LHFPL3: variants seen among roughly 807,000 people sequenced by gnomAD.
LHFPL3 encodes LHFPL tetraspan subfamily member 3.
A neutral mutation model predicts 19.3 loss-of-function variants in LHFPL3; 5 were observed. The ratio of observed to expected loss-of-function variants is 0.26; its 90% CI spans 0.14 to 0.54. The LOEUF (loss-of-function observed/expected upper bound fraction) is 0.54, where lower values mean the gene tolerates loss of function less well. LHFPL3 is among the 20% of genes least tolerant of loss of function. The pLI, the probability that LHFPL3 is intolerant of heterozygous loss-of-function variation, is 0.94. For synonymous variants in LHFPL3, 133 were observed against 126.2 expected (o/e 1.05, Z -0.36); for missense variants, 249 against 307.4 (o/e 0.81, Z 1.42).
intron 1 of LHFPL3, among the ~76,000 whole-genome samples, chr7:104,493,382 A>T (rs1014070149): frequency 2.0e-5 from 3 of 149,862 alleles, no homozygotes; most frequent in Non-Finnish European, 3.0e-5. Context: ...CTGAAATGTC[A>T]TCTAGTATCA....
chr7:104,495,786 G>A (rs895032763), intron 1 of LHFPL3, among the ~76,000 whole-genome samples: 3 of 152,072 alleles, frequency 2.0e-5, no homozygotes, highest in Non-Finnish European at 4.4e-5. Flanking sequence ...ACCCCCTAAA[G>A]TGCTGGGATT....
intron 1 of LHFPL3, among the ~76,000 whole-genome samples, chr7:104,638,901 A>T (rs1791779820): frequency 1.3e-5 from 2 of 151,308 alleles, no homozygotes; most frequent in South Asian, 4.2e-4. Context: ...AGTAGCTGGG[A>T]CTACTACTGA....
intron 2 of LHFPL3, among the ~76,000 whole-genome samples, chr7:104,779,737 G>T (rs1794689599): frequency 6.6e-6 from 1 of 152,194 alleles, no homozygotes; most frequent in Non-Finnish European, 1.5e-5. Flanking sequence ...GATATGCGCT[G>T]GCCACTGCCA....
chr7:104,711,129 G>C (rs1437676575), intron 1 of LHFPL3, among the ~76,000 whole-genome samples: 2 of 152,140 alleles, frequency 1.3e-5, no homozygotes, highest in African/African-American at 4.8e-5. Flanking sequence ...GTGTCAAATG[G>C]CAAAAGTTTC....
intron 1 of LHFPL3, among the ~76,000 whole-genome samples, chr7:104,545,287 C>T (rs1794558233): frequency 6.6e-6 from 1 of 152,172 alleles, no homozygotes; most frequent in Non-Finnish European, 1.5e-5. Context: ...ATGGCATCAG[C>T]CCAGCACAGC....
chr7:104,669,535 G>T, intron 1 of LHFPL3: 1 of 1,611,780 alleles, frequency 6.2e-7, no homozygotes, highest in Non-Finnish European at 8.5e-7. Context: ...TCTCTCTGTT[G>T]ATGGTGAAGA....
At chr7:104,542,504 A>C (rs560572170) in intron 1 of LHFPL3, among the ~76,000 whole-genome samples, 21 of 152,062 alleles carry the variant, frequency 1.4e-4, no homozygotes, top group Non-Finnish European at 3.1e-4. Flanking sequence ...GAGACTTCCT[A>C]AATTAGTCCT....
Position 104,418,305 on chromosome 7 carries a change from AG to A in LHFPL3, c.445+89082del, listed in dbSNP as rs578036542. On this transcript the variant is annotated intron_variant, in intron 1 of 2. Transcript: ENST00000424859. ...ACAATAGATGATTCAACAATAGGCA[AG>A]AGGATTGCCTGAGGCCAGAGATTTG... Among the ~76,000 whole-genome samples, 541 of 152,302 alleles carry A rather than the reference AG, an allele frequency of 3.6e-3. 2 individuals carry two copies. The highest frequency in any genetic ancestry group is 0.012 in the African/African-American group (510 of 41,566).
chr7:104,847,224 G>T (rs901378749), intron 2 of LHFPL3, among the ~76,000 whole-genome samples: 1 of 152,152 alleles, frequency 6.6e-6, no homozygotes, highest in African/African-American at 2.4e-5. Flanking sequence ...ACTGATCAGG[G>T]CTCTGGAACT....
At position 104,860,178 on chromosome 7, in the gene LHFPL3, C is replaced by CACA. The variant is rs1562817137; in HGVS notation, c.683-46009_683-46008insACA. Among the ~76,000 whole-genome samples the CACA allele has an allele frequency of 1.8e-3, 234 of 128,968 alleles. 1 individual carries two copies. The highest frequency in any genetic ancestry group is 3.1e-3 in the Non-Finnish European group (177 of 56,734). 84.6% of individuals were successfully genotyped at this position (128,968 alleles called of 152,430 possible). On this transcript the variant is annotated intron_variant, in intron 2 of 2. Transcript: ENST00000424859. ...CAAATACACACACACATACACCCAC[C>CACA]CACACACACACACACACACACACAC...
Position 104,465,564 on chromosome 7 carries a change from A to G in LHFPL3, c.445+136340A>G, listed in dbSNP as rs191510741. ...GGGAGGCCTCAGGAAACGTAGCAGA[A>G]AGGGAAGCAAGCACTTCCTTCTTTA... On this transcript the variant is annotated intron_variant, in intron 1 of 2. Coordinates refer to ENST00000424859, the MANE Select transcript of LHFPL3 (RefSeq NM_199000.3). Among the ~76,000 whole-genome samples the G allele has an allele frequency of 9.0e-4, 137 of 152,328 alleles. 1 individual carries two copies. Among genetic ancestry groups the G allele is most frequent in the African/African-American group, 3.2e-3 (135 of 41,588 alleles).
At chr7:104,631,110 T>G (rs1413391265) in intron 1 of LHFPL3, among the ~76,000 whole-genome samples, 3 of 152,052 alleles carry the variant, frequency 2.0e-5, no homozygotes, top group Non-Finnish European at 4.4e-5. Context: ...TGCAACACGT[T>G]TTACTGACAA....
chr7:104,338,129 C>G (rs1212928758), intron 1 of LHFPL3, among the ~76,000 whole-genome samples: 1 of 113,642 alleles, frequency 8.8e-6, no homozygotes, highest in Non-Finnish European at 1.6e-5. Flanking sequence ...GACGGAGTCT[C>G]GCTCTGTCAC....
At chr7:104,639,688 G>A (rs916561470) in intron 1 of LHFPL3, among the ~76,000 whole-genome samples, 18 of 152,122 alleles carry the variant, frequency 1.2e-4, no homozygotes, top group African/African-American at 4.3e-4. Flanking sequence ...TATTTTAAAA[G>A]CAATGCAATG....
intron 1 of LHFPL3, among the ~76,000 whole-genome samples, chr7:104,389,748 C>A (rs1417304287): frequency 6.6e-6 from 1 of 151,978 alleles, no homozygotes; most frequent in Non-Finnish European, 1.5e-5. Context: ...GATGTCAAGG[C>A]CATTCTATAG....
chr7:104,371,936 C>A (rs748970885), intron 1 of LHFPL3, among the ~76,000 whole-genome samples: 4 of 152,200 alleles, frequency 2.6e-5, no homozygotes, highest in Admixed American at 6.5e-5. Context: ...TTTCTCGCTG[C>A]TAGTTGAGAA....
chr7:104,540,439 G>A (rs1204235344), intron 1 of LHFPL3, among the ~76,000 whole-genome samples: 2 of 152,102 alleles, frequency 1.3e-5, no homozygotes, highest in African/African-American at 4.8e-5. Context: ...ACTGGGTACA[G>A]GCCATCCTAT....
intron 2 of LHFPL3, among the ~76,000 whole-genome samples, chr7:104,805,262 G>A (rs1266570476): frequency 6.6e-6 from 1 of 152,182 alleles, no homozygotes; most frequent in African/African-American, 2.4e-5. Flanking sequence ...GCCCTTCTTA[G>A]CATCCCTTAA....
chr7:104,855,837 T>C (rs1791496135), intron 2 of LHFPL3, among the ~76,000 whole-genome samples: 1 of 152,118 alleles, frequency 6.6e-6, no homozygotes. Flanking sequence ...CTCCAACTCC[T>C]GACCTCAAGT....
Sources: gnomAD v4.1 joint callset for allele counts (sites outside exome capture counted in the v4.1 genomes callset) on GRCh38, gnomAD v4.1.1 for gene constraint, MANE v1.5 for transcripts, NCBI Gene and HGNC (gene_info 2026-07-23, HGNC 2026-07-21) for gene names.